NAA16: variants seen among roughly 807,000 people sequenced by gnomAD.
NAA16 encodes NARG1-like protein.
Under a neutral mutation model 110.3 loss-of-function variants are expected in NAA16, and 97 were observed. The ratio of observed to expected loss-of-function variants is 0.88; its 90% confidence interval spans 0.75 to 1.04. NAA16 has a LOEUF of 1.04. Among genes scored for constraint, NAA16 ranks in the 50% least tolerant of loss-of-function variants. NAA16 has a pLI of 0.00. For missense variants in NAA16, 1,017 were observed against 1,005.1 expected (o/e 1.01, Z -0.16); for synonymous variants, 372 against 330.6 (o/e 1.13, Z -1.36).
At chr13:41,347,364 G>A (rs1190540310) in intron 9 of NAA16, among the ~76,000 whole-genome samples, 1 of 151,902 alleles carries the variant, frequency 6.6e-6, no homozygotes, top group Non-Finnish European at 1.5e-5. Flanking sequence ...TTGAATTTTA[G>A]GATTGGCTTT....
At chr13:41,312,691 G>C (rs549160662) in intron 1 of NAA16, among the ~76,000 whole-genome samples, 14 of 152,276 alleles carry the variant, frequency 9.2e-5, no homozygotes, top group Non-Finnish European at 1.6e-4. Context: ...GTAATTTTAA[G>C]TATGAACAGC....
At chr13:41,322,534 C>G (rs1242126545) in intron 4 of NAA16, among the ~76,000 whole-genome samples, 3 of 151,956 alleles carry the variant, frequency 2.0e-5, no homozygotes, top group Admixed American at 6.6e-5. Context: ...CAAGAGTTGG[C>G]AGAGAAAATA....
chr13:41,372,176 A>G (rs1451974729), intron 15 of NAA16, 27 bp from the exon 16 acceptor site: 1 of 1,479,686 alleles, frequency 6.8e-7, no homozygotes, highest in South Asian at 1.3e-5. Flanking sequence ...TGTTTTTTAA[A>G]TAATTTTCCT....
At position 41,372,265 on chromosome 13, in the gene NAA16, TAAC is replaced by T. The variant is rs1376178630; in HGVS notation, c.2012_2014del (p.Asn671del). 6 of 1,603,720 alleles carry T rather than the reference TAAC, an allele frequency of 3.7e-6. No individual in the cohort carries two copies. The highest frequency in any genetic ancestry group is 1.1e-5 in the South Asian group (1 of 88,866). ...TACCTCTTAAGAACCTTGTTGCTGA[TAAC>T]ATTGACACTCATCTGTTAGCATTTG... On this transcript the variant is annotated inframe_deletion, in exon 16 of 20. Transcript: ENST00000379406.
rs758002413 is a variant in NAA16, at chr13:41,358,476, A to G, written c.1257+3A>G. ...ATATGAAAGCAAAAATTTACAAGGT[A>G]AAATCTGAATCCTGTTTTTTGAGTA... On this transcript the variant is annotated splice_donor_region_variant and intron_variant, in intron 11 of 19. Transcript: ENST00000379406. 3 of 1,612,890 alleles carry G rather than the reference A, an allele frequency of 1.9e-6. No individual in the cohort carries two copies. The highest frequency in any genetic ancestry group is 2.5e-6 in the Non-Finnish European group (3 of 1,179,176).
chr13:41,311,934 ATCC>A (rs1461876728), intron 1 of NAA16, among the ~76,000 whole-genome samples: 3 of 152,036 alleles, frequency 2.0e-5, no homozygotes, highest in Admixed American at 2.0e-4. Context: ...CCCCTCAGGG[ATCC>A]TCCCCCGGTG....
intron 6 of NAA16, among the ~76,000 whole-genome samples, chr13:41,327,422 C>T (rs528730608): frequency 6.7e-6 from 1 of 149,778 alleles, no homozygotes; most frequent in South Asian, 2.1e-4. Flanking sequence ...ATAGGAAATG[C>T]ATTCAATATA....
intron 4 of NAA16, among the ~76,000 whole-genome samples, 162 bp from the exon 5 acceptor site, chr13:41,322,894 T>C (rs1318061503): frequency 1.3e-5 from 2 of 152,244 alleles, no homozygotes; most frequent in African/African-American, 4.8e-5. Flanking sequence ...TGTAGAACTT[T>C]AGTATTTTAG....
At chr13:41,352,318 G>A (rs2042857677) in intron 9 of NAA16, among the ~76,000 whole-genome samples, 1 of 151,884 alleles carries the variant, frequency 6.6e-6, no homozygotes, top group African/African-American at 2.4e-5. Flanking sequence ...CTCCAGCTTG[G>A]GTGAGAGAGT....
intron 9 of NAA16, among the ~76,000 whole-genome samples, chr13:41,337,026 T>C (rs1025534689): frequency 1.3e-5 from 2 of 152,144 alleles, no homozygotes; most frequent in African/African-American, 4.8e-5. Flanking sequence ...TTACCAAAGG[T>C]ATATATTTAT....
At chr13:41,374,717 A>G (rs1373429534) in intron 18 of NAA16, 25 bp from the exon 19 acceptor site, 6 of 1,485,860 alleles carry the variant, frequency 4.0e-6, no homozygotes, top group Non-Finnish European at 5.6e-6. Context: ...GTGTTTATTC[A>G]TTTTGAAATG....
chr13:41,368,934 A>G (rs2139513549), intron 14 of NAA16, among the ~76,000 whole-genome samples, 156 bp from the exon 15 acceptor site: 1 of 152,298 alleles, frequency 6.6e-6, no homozygotes, highest in Non-Finnish European at 1.5e-5. Flanking sequence ...ATTTTATATC[A>G]CAGGCTTGAG....
intron 7 of NAA16, 117 bp downstream of exon 7, chr13:41,328,960 T>C (rs2042163997): frequency 1.2e-5 from 10 of 866,632 alleles, no homozygotes; most frequent in Non-Finnish European, 1.8e-5. Context: ...TTTTTCCATT[T>C]AGTAAAATTA....
chr13:41,347,467 A>G (rs1435924740), intron 9 of NAA16, among the ~76,000 whole-genome samples: 1 of 152,114 alleles, frequency 6.6e-6, no homozygotes, highest in Non-Finnish European at 1.5e-5. Flanking sequence ...AACAATATTA[A>G]GTCAATCTTC....
At chr13:41,374,938 G>A (rs1454167985) in intron 19 of NAA16, 99 bp downstream of exon 19, 3 of 698,366 alleles carry the variant, frequency 4.3e-6, no homozygotes, top group Non-Finnish European at 7.4e-6. Flanking sequence ...AATTATGCCT[G>A]GATGTTAATC....
At chr13:41,319,496 T>C (rs1270262965) in intron 3 of NAA16, among the ~76,000 whole-genome samples, 1 of 152,132 alleles carries the variant, frequency 6.6e-6, no homozygotes, top group African/African-American at 2.4e-5. Context: ...TTGGGTAATA[T>C]CCCAGTGTGT....
chr13:41,340,391 T>A (rs1233364777), intron 9 of NAA16, among the ~76,000 whole-genome samples: 1 of 152,152 alleles, frequency 6.6e-6, no homozygotes, highest in African/African-American at 2.4e-5. Flanking sequence ...TTGTTTGCCC[T>A]TGCTTCTCTA....
At chr13:41,344,919 ATTAGCCTACT>A (rs1243620715) in intron 9 of NAA16, among the ~76,000 whole-genome samples, 1 of 152,190 alleles carries the variant, frequency 6.6e-6, no homozygotes, top group Non-Finnish European at 1.5e-5. Context: ...ATAGGCAACC[ATTAGCCTACT>A]TTCTGTCTAT....
At chr13:41,355,109 TA>T in intron 9 of NAA16, 34 bp from the exon 10 acceptor site, 1 of 1,307,994 alleles carries the variant, frequency 7.6e-7, no homozygotes, top group Admixed American at 2.1e-5. Flanking sequence ...TTCAAGAAGA[TA>T]TTTTTAAATT....
Sources: gnomAD v4.1 joint callset for allele counts (sites outside exome capture counted in the v4.1 genomes callset) on GRCh38, gnomAD v4.1.1 for gene constraint, MANE v1.5 for transcripts, NCBI Gene and HGNC (gene_info 2026-07-23, HGNC 2026-07-21) for gene names.